The following SUSD1 variants were observed in gnomAD, a reference collection of about 807,000 sequenced individuals.
SUSD1 encodes sushi domain containing 1, also known as sushi domain-containing protein 1.
SUSD1 carries 65 observed loss-of-function variants against 86.9 expected under a neutral mutation model. That is an observed-to-expected ratio of 0.75 (90% CI 0.61 to 0.92). The LOEUF is 0.92. Ranked by LOEUF, SUSD1 falls within the 40% of genes least tolerant of loss-of-function variation. The pLI is 0.00. For synonymous variants in SUSD1, 346 were observed against 350.0 expected, an observed-to-expected ratio of 0.99 and a Z score of 0.13; for missense variants, 850 against 929.7, an observed-to-expected ratio of 0.91 and a Z score of 1.11.
Position 112,157,633 on chromosome 9 carries a change from T to C in SUSD1, c.104-20A>G. ...CTAAACCTGAATCATAAATTGTATGTTTCAGAAAAAGAAAAATGCAAGATG... is the reference window on the plus strand; with the variant it reads ...CTAAACCTGAATCATAAATTGTATGCTTCAGAAAAAGAAAAATGCAAGATG... On this transcript the variant is annotated intron_variant, in intron 1 of 16. Transcript: ENST00000374270. 1 of 1,595,520 alleles carries C rather than the reference T, an allele frequency of 6.3e-7. No homozygotes were observed. Among genetic ancestry groups the C allele is most frequent in the Non-Finnish European group, 8.6e-7 (1 of 1,165,762 alleles).
chr9:112,053,535 A>AG, intron 14 of SUSD1, among the ~76,000 whole-genome samples: 1 of 151,880 alleles, frequency 6.6e-6, no homozygotes, highest in Non-Finnish European at 1.5e-5. Flanking sequence ...AAAAAAAAAA[A>AG]AAATCTGAGA....
chr9:112,077,853 G>A (rs1444493296), intron 12 of SUSD1, among the ~76,000 whole-genome samples: 2 of 152,012 alleles, frequency 1.3e-5, no homozygotes, highest in Non-Finnish European at 2.9e-5. Flanking sequence ...AAATATTCCT[G>A]AGAAAGAAAG....
intron 15 of SUSD1, among the ~76,000 whole-genome samples, chr9:112,049,982 C>T (rs1343471466): frequency 1.3e-5 from 2 of 152,150 alleles, no homozygotes; most frequent in South Asian, 4.1e-4. Flanking sequence ...AGCTCTTTGG[C>T]GATTTCTTCT....
In SUSD1 at chr9:112,102,331, C is replaced by T. The variant is rs576066087; in HGVS notation, c.1172-46G>A. ...TTATAGACAGCTTGCACCATCTTAG[C>T]AAAATGCATCATGGCTGAGTACAAG... On this transcript the variant is annotated intron_variant, in intron 8 of 16. Coordinates refer to ENST00000374270, the MANE Select transcript of SUSD1 (RefSeq NM_022486.5). The T allele has an allele frequency of 5.1e-6, 5 of 984,576 alleles. No homozygotes were observed. In the African/African-American group the frequency reaches 8.3e-5, roughly 16 times the overall value. The allele number at this position is 984,576 out of a possible 1,614,324, so 61.0% of individuals were successfully genotyped here. A position where few individuals can be genotyped will look rare whatever the true frequency, so the allele number is the denominator to read the frequency against.
intron 5 of SUSD1, 147 bp from the exon 6 acceptor site, chr9:112,124,583 G>A: frequency 1.4e-6 from 1 of 708,580 alleles, no homozygotes; most frequent in South Asian, 4.0e-5. Flanking sequence ...TCCAATATAA[G>A]TATGTCTGAA....
chr9:112,151,760 G>A (rs566613332), intron 2 of SUSD1, among the ~76,000 whole-genome samples: 23 of 151,906 alleles, frequency 1.5e-4, no homozygotes, highest in African/African-American at 3.6e-4. Context: ...AAATTAGGCC[G>A]GGTGCGGTGG....
intron 11 of SUSD1, among the ~76,000 whole-genome samples, chr9:112,079,509 C>T (rs1829672869): frequency 6.6e-6 from 1 of 152,106 alleles, no homozygotes; most frequent in Admixed American, 6.6e-5. Context: ...GGTGACCCTA[C>T]CCTTTCCTTA....
At chr9:112,042,559 G>A (rs149220522) in intron 15 of SUSD1, among the ~76,000 whole-genome samples, 1 of 152,188 alleles carries the variant, frequency 6.6e-6, no homozygotes, top group African/African-American at 2.4e-5. Context: ...GGAGATCCCC[G>A]ATTATAAACT....
At chr9:112,077,370 G>C (rs1435141357) in intron 12 of SUSD1, among the ~76,000 whole-genome samples, 1 of 152,086 alleles carries the variant, frequency 6.6e-6, no homozygotes, top group African/African-American at 2.4e-5. Context: ...AATATGCTTA[G>C]TATTTGCTCA....
chr9:112,063,698 G>GAAC (rs1554753994), intron 12 of SUSD1, among the ~76,000 whole-genome samples: 1 of 151,964 alleles, frequency 6.6e-6, no homozygotes, highest in East Asian at 1.9e-4. Context: ...CAGCGTTCTT[G>GAAC]CTCACTGGTA....
rs759715485 is a variant in SUSD1, at chr9:112,143,559, C to T, written c.438G>A (p.Gly146=). Residue 146 remains glycine, a synonymous_variant, in exon 4 of 17, where the codon GGG becomes GGA. Coordinates refer to ENST00000374270, the MANE Select transcript of SUSD1 (RefSeq NM_022486.5). ...RHGGRCVNTH[G]SFECYCMDGY... is the part of the protein sequence containing the mutation. ...CATCCATACAGTAGCATTCAAAGCT[C>T]CCATGAGTGTTCACGCATCGCCCTC... 11 of 1,614,108 alleles carry T rather than the reference C, an allele frequency of 6.8e-6. No individual in the cohort carries two copies. In the South Asian group the frequency reaches 1.1e-4, roughly 16 times the overall value.
chr9:112,148,041 G>C (rs1187903456), intron 3 of SUSD1, among the ~76,000 whole-genome samples: 1 of 152,218 alleles, frequency 6.6e-6, no homozygotes, highest in Non-Finnish European at 1.5e-5. Context: ...TACAGGTCAA[G>C]AGGGAGGATG....
chr9:112,158,058 T>C (rs574047710), intron 1 of SUSD1, among the ~76,000 whole-genome samples: 34 of 151,910 alleles, frequency 2.2e-4, no homozygotes, highest in Non-Finnish European at 3.5e-4. Flanking sequence ...TCCTGAGCTC[T>C]AGCAATCCAC....
intron 13 of SUSD1, among the ~76,000 whole-genome samples, chr9:112,062,390 G>C (rs1828768356): frequency 6.6e-6 from 1 of 152,146 alleles, no homozygotes; most frequent in Non-Finnish European, 1.5e-5. Context: ...TGTATATAGG[G>C]TCCTTTAGAA....
intron 10 of SUSD1, 136 bp downstream of exon 10, chr9:112,098,334 G>A (rs1830484072): frequency 2.1e-5 from 17 of 812,714 alleles, no homozygotes; most frequent in South Asian, 1.1e-4. Flanking sequence ...AACCCCAGAC[G>A]CAGCTAACAA....
chr9:112,162,147 GAAACAACTGCCTA>G (rs1192104976), intron 1 of SUSD1, among the ~76,000 whole-genome samples: 1 of 152,202 alleles, frequency 6.6e-6, no homozygotes, highest in Non-Finnish European at 1.5e-5. Flanking sequence ...AGACAACCAT[GAAACAACTGCCTA>G]ATGCAAGATG....
rs901707945 is a variant in SUSD1, at chr9:112,115,930, A to T, written c.887-3062T>A. On this transcript the variant is annotated intron_variant, in intron 6 of 16. Coordinates refer to ENST00000374270, the MANE Select transcript of SUSD1 (RefSeq NM_022486.5). ...GTAGCATAAAGATGATGTTGGTACC[A>T]GTCTTTTATCAGCCTGAACAAGCCC... 2.6e-5 allele frequency among the ~76,000 whole-genome samples: 4 copies of T among 152,030 alleles called. No homozygotes were observed. In the East Asian group the frequency reaches 5.8e-4, roughly 22 times the overall value.
chr9:112,111,011 CAG>C (rs1411459047), intron 8 of SUSD1, among the ~76,000 whole-genome samples: 24 of 151,628 alleles, frequency 1.6e-4, no homozygotes, highest in African/African-American at 5.8e-4. Context: ...TTTTTTGAGA[CAG>C]AGTCTTGCCC....
chr9:112,134,274 C>T (rs756349188), intron 5 of SUSD1, among the ~76,000 whole-genome samples: 7 of 152,110 alleles, frequency 4.6e-5, no homozygotes, highest in African/African-American at 1.2e-4. Context: ...ATATGTTCAT[C>T]GCTGCACTAT....
Sources: allele counts gnomAD v4.1 joint callset (sites outside exome capture counted in the v4.1 genomes callset), GRCh38; gene constraint gnomAD v4.1.1; transcripts MANE v1.5; gene names NCBI Gene and HGNC (gene_info 2026-07-23, HGNC 2026-07-21).